Variants in LPP observed in about 807,000 individuals in gnomAD.
The protein encoded by LPP is lipoma-preferred partner.
In LPP, 38 loss-of-function variants were observed where a neutral mutation model predicts 60.4. That is an observed-to-expected ratio of 0.63 (90% CI 0.49 to 0.83). The LOEUF is 0.83. Among genes scored for constraint, LPP ranks in the 40% least tolerant of loss-of-function variants. The probability of loss-of-function intolerance (pLI) is 0.00; values close to 1 mark genes in which losing one functional copy is unlikely to be tolerated. For missense variants in LPP, 902 were observed against 783.6 expected (o/e 1.15, Z -1.80); for synonymous variants, 328 against 290.8 (o/e 1.13, Z -1.30).
chr3:188,502,260 T>C (rs898392435), intron 5 of LPP, among the ~76,000 whole-genome samples: 9 of 152,216 alleles, frequency 5.9e-5, no homozygotes, highest in Non-Finnish European at 4.4e-5. Flanking sequence ...TCAATTCTGG[T>C]AATTTTTGGT....
In LPP at chr3:188,889,941, C is replaced by G; in HGVS notation, c.*15462C>G. 4.7e-6 allele frequency: 1 copy of G among 212,036 alleles called. No homozygotes were observed. The allele number at this position is 212,036 out of a possible 1,614,324, so 13.1% of individuals were successfully genotyped here. On this transcript the variant is annotated 3_prime_UTR_variant, in exon 12 of 12. Transcript: ENST00000617246. ...AGATTTTAGCGCTGGAAAATGAGTTCAAAAATTTCAGTGTAATGTCATAAG... is the reference window on the plus strand; with the variant it reads ...AGATTTTAGCGCTGGAAAATGAGTTGAAAAATTTCAGTGTAATGTCATAAG...
intron 9 of LPP, among the ~76,000 whole-genome samples, chr3:188,808,762 C>T (rs1034391939): frequency 5.9e-5 from 9 of 152,162 alleles, no homozygotes; most frequent in African/African-American, 2.2e-4. Context: ...GTTTGCTGCA[C>T]CTATCAACCC....
intron 9 of LPP, among the ~76,000 whole-genome samples, chr3:188,811,553 C>CCTTG (rs1454111584): frequency 7.2e-5 from 11 of 151,962 alleles, no homozygotes; most frequent in African/African-American, 2.7e-4. Context: ...AAACCTATGG[C>CCTTG]CTTGTTTTAT....
intron 1 of LPP, among the ~76,000 whole-genome samples, chr3:188,183,873 A>T (rs9864068): frequency 0.57 from 87,025 of 151,888 alleles, 25,711 homozygotes; most frequent in East Asian, 0.88. Context: ...TCCTAGCTGG[A>T]TATGTGCTTA....
At chr3:188,855,291 A>C (rs1763552694) in intron 9 of LPP, among the ~76,000 whole-genome samples, 2 of 152,252 alleles carry the variant, frequency 1.3e-5, no homozygotes, top group Admixed American at 1.3e-4. Flanking sequence ...TTCAACCAAT[A>C]CTTACTGATT....
At chr3:188,722,425 CATCTTTTGTCAG>C (rs1477461930) in intron 8 of LPP, among the ~76,000 whole-genome samples, 1 of 152,148 alleles carries the variant, frequency 6.6e-6, no homozygotes, top group Non-Finnish European at 1.5e-5. Flanking sequence ...ATGAATAATT[CATCTTTTGTCAG>C]ATAGCTTAGT....
rs142208766 is a variant in LPP at position 188,665,743 on chromosome 3, G to A, written c.1114-42524G>A. Among the ~76,000 whole-genome samples, 517 of 152,246 alleles carry A rather than the reference G, an allele frequency of 3.4e-3. 5 individuals carry two copies. Among genetic ancestry groups the A allele is most frequent in the South Asian group, 0.011 (54 of 4,820 alleles). On this transcript the variant is annotated intron_variant, in intron 7 of 11. Coordinates refer to ENST00000617246, the MANE Select transcript of LPP (RefSeq NM_001375462.1). ...CCCAAAGTGCTGGGATTACAGGCAT[G>A]AGCCACCTCGCCCGGCCAGCTAACA...
At chr3:188,787,004 G>A (rs181215279) in intron 9 of LPP, among the ~76,000 whole-genome samples, 1 of 152,200 alleles carries the variant, frequency 6.6e-6, no homozygotes, top group Admixed American at 6.6e-5. Flanking sequence ...GATCATTGTG[G>A]TGATGGAACT....
intron 1 of LPP, among the ~76,000 whole-genome samples, chr3:188,215,259 T>G (rs991187193): frequency 1.3e-5 from 2 of 151,912 alleles, no homozygotes; most frequent in African/African-American, 2.4e-5. Context: ...TGAGCCAAGA[T>G]TGCCCCACTG....
intron 4 of LPP, among the ~76,000 whole-genome samples, chr3:188,452,690 A>G (rs954746750): frequency 1.3e-5 from 2 of 152,186 alleles, no homozygotes; most frequent in African/African-American, 4.8e-5. Flanking sequence ...TGGTGTTGAC[A>G]GGATGCTTGT....
chr3:188,776,071 T>C (rs1322955977), intron 9 of LPP, among the ~76,000 whole-genome samples: 1 of 152,246 alleles, frequency 6.6e-6, no homozygotes, highest in Non-Finnish European at 1.5e-5. Context: ...TACAGCGCAG[T>C]GTGAGACTTG....
chr3:188,388,779 A>T (rs1778972635), intron 3 of LPP, among the ~76,000 whole-genome samples: 1 of 152,242 alleles, frequency 6.6e-6, no homozygotes, highest in Admixed American at 6.5e-5. Context: ...TGAAAGCAGT[A>T]ACTTTTAAGT....
chr3:188,329,743 CAT>C (rs1350220932), intron 2 of LPP, among the ~76,000 whole-genome samples: 1 of 152,124 alleles, frequency 6.6e-6, no homozygotes, highest in Admixed American at 6.6e-5. Flanking sequence ...TTAAACAAAA[CAT>C]GTGTTGTATT....
At chr3:188,531,737 C>T (rs1822230833) in intron 6 of LPP, among the ~76,000 whole-genome samples, 1 of 152,186 alleles carries the variant, frequency 6.6e-6, no homozygotes, top group South Asian at 2.1e-4. Context: ...ACTTCATCAT[C>T]TGCCTGTCCA....
chr3:188,680,412 T>C (rs1409924888), intron 7 of LPP, among the ~76,000 whole-genome samples: 1 of 152,210 alleles, frequency 6.6e-6, no homozygotes, highest in Admixed American at 6.5e-5. Context: ...CTCACAATCT[T>C]TCATATGAAA....
intron 8 of LPP, among the ~76,000 whole-genome samples, chr3:188,731,516 T>TTTTGTTTTGTTTTGTTTTGTTTTGTTTTG (rs1553817764): frequency 2.2e-4 from 32 of 145,818 alleles, no homozygotes; most frequent in African/African-American, 3.3e-4. Context: ...TTTTTTGTTT[T>TTTTGTTTTGTTTTGTTTTGTTTTGTTTTG]TTTTGTTTTG....
At chr3:188,203,440 T>TA in intron 1 of LPP, among the ~76,000 whole-genome samples, 1 of 94,548 alleles carries the variant, frequency 1.1e-5, no homozygotes, top group East Asian at 2.9e-4. Context: ...TAAATATATA[T>TA]TTATATAAAT....
intron 2 of LPP, among the ~76,000 whole-genome samples, chr3:188,231,468 T>G (rs1719929634): frequency 6.6e-6 from 1 of 152,222 alleles, no homozygotes; most frequent in Non-Finnish European, 1.5e-5. Flanking sequence ...GCATGGCTTT[T>G]AAGAAGAAAA....
chr3:188,721,271 G>T (rs1716262253), intron 8 of LPP, among the ~76,000 whole-genome samples: 1 of 151,906 alleles, frequency 6.6e-6, no homozygotes, highest in African/African-American at 2.4e-5. Context: ...TAAAAATACG[G>T]CTGGAATTAC....
Sources: gnomAD v4.1 joint callset for allele counts (sites outside exome capture counted in the v4.1 genomes callset) on GRCh38, gnomAD v4.1.1 for gene constraint, MANE v1.5 for transcripts, NCBI Gene and HGNC (gene_info 2026-07-23, HGNC 2026-07-21) for gene names.